The following HFM1 variants were observed in gnomAD, a reference collection of about 807,000 sequenced individuals.
HFM1 encodes probable ATP-dependent DNA helicase HFM1.
In HFM1, 169 loss-of-function variants were observed where a neutral mutation model predicts 192.1. That is an observed-to-expected ratio of 0.88 (90% confidence interval 0.78 to 1.00). The LOEUF is 1.00. HFM1 is among the 50% of genes least tolerant of loss of function. The probability of loss-of-function intolerance (pLI) is 0.00; values close to 1 mark genes in which losing one functional copy is unlikely to be tolerated. For missense variants in HFM1, 1,661 were observed against 1,668.0 expected (o/e 1.00, Z 0.07); for synonymous variants, 525 against 537.8 (o/e 0.98, Z 0.33).
chr1:91,404,846 C>T (rs1664721354), upstream of HFM1: 1 of 455,656 alleles, frequency 2.2e-6, no homozygotes, highest in Non-Finnish European at 4.4e-6. Context: ...TTATCAGCCC[C>T]TCTGAGGACC....
At position 91,321,944 on chromosome 1, in the gene HFM1, GA is replaced by G. The variant is rs534774220; in HGVS notation, c.2582+1005del. 3.3e-4 allele frequency among the ~76,000 whole-genome samples: 50 copies of G among 152,184 alleles called. No homozygotes were observed. In the East Asian group the frequency reaches 6.2e-3, roughly 19 times the overall value. On this transcript the variant is annotated intron_variant, in intron 23 of 38. Coordinates refer to ENST00000370425, the MANE Select transcript of HFM1 (RefSeq NM_001017975.6). The stretch of plus-strand genomic sequence containing the variant: ...ATTTATGCAACACAGTATACTGGGG[GA>G]AAAAATGAGAAAATCAAGAGTTCTA...
intron 36 of HFM1, among the ~76,000 whole-genome samples, chr1:91,262,912 C>T (rs1171450450): frequency 6.6e-6 from 1 of 152,126 alleles, no homozygotes; most frequent in East Asian, 1.9e-4. Context: ...CTAAATTCCA[C>T]TTGCTTAACT....
chr1:91,387,448 A>G (rs1486760662), intron 4 of HFM1, among the ~76,000 whole-genome samples: 2 of 151,872 alleles, frequency 1.3e-5, no homozygotes, highest in African/African-American at 4.8e-5. Flanking sequence ...CTGTATTCGT[A>G]CTGAAAATCA....
intron 2 of HFM1, among the ~76,000 whole-genome samples, chr1:91,399,968 G>T (rs1178849261): frequency 6.6e-6 from 1 of 152,140 alleles, no homozygotes; most frequent in East Asian, 1.9e-4. Flanking sequence ...CAGTATAGAT[G>T]ATTATTTACA....
intron 1 of HFM1, 21 bp from the exon 2 acceptor site, chr1:91,401,130 A>C: frequency 9.8e-7 from 1 of 1,020,048 alleles, no homozygotes; most frequent in South Asian, 1.6e-5. Flanking sequence ...TGGAAAAAGT[A>C]GTTTATATTT....
intron 19 of HFM1, among the ~76,000 whole-genome samples, chr1:91,343,725 T>TA (rs966516981): frequency 2.6e-5 from 4 of 152,216 alleles, no homozygotes; most frequent in Admixed American, 6.5e-5. Flanking sequence ...ATACAAGTAA[T>TA]AAAAATAACA....
chr1:91,385,608 A>G lies in HFM1; in HGVS notation c.721T>C (p.Phe241Leu), dbSNP rs757206132. The G allele has an allele frequency of 6.2e-7, 1 of 1,612,900 alleles. No homozygotes were observed. The highest frequency in any genetic ancestry group is 1.1e-5 in the South Asian group (1 of 91,020). The change falls in exon 5 of 39, where the codon TTT (phenylalanine) becomes CTT (leucine). Residue 241 changes from phenylalanine (F) to leucine (L), a missense_variant. By Grantham distance (22) the Phe-to-Leu change is conservative (BLOSUM62 0). Coordinates refer to ENST00000370425, the MANE Select transcript of HFM1 (RefSeq NM_001017975.6). Reference protein sequence around the residue: ...IGEGMFKAPSFSVAFQPHDIQ... With the variant: ...IGEGMFKAPSLSVAFQPHDIQ... Reference sequence around the variant, plus strand: ...TCATGAGGTTGGAAAGCAACTGAAAAAGATGGTGCTTTGAACATGCCTTCT... The same window carrying G: ...TCATGAGGTTGGAAAGCAACTGAAAGAGATGGTGCTTTGAACATGCCTTCT...
chr1:91,285,552 G>C (rs1404750957), intron 30 of HFM1, among the ~76,000 whole-genome samples: 1 of 152,148 alleles, frequency 6.6e-6, no homozygotes, highest in East Asian at 1.9e-4. Flanking sequence ...CTAAGAAAGA[G>C]TGTATGTATG....
intron 13 of HFM1, among the ~76,000 whole-genome samples, chr1:91,356,579 T>A (rs1657769138): frequency 6.6e-6 from 1 of 151,916 alleles, no homozygotes; most frequent in Non-Finnish European, 1.5e-5. Flanking sequence ...AATGCAAAGT[T>A]AGCAGAAGAA....
At chr1:91,343,230 C>CA (rs34902756) in intron 20 of HFM1, among the ~76,000 whole-genome samples, 200 bp downstream of exon 20, 21,657 of 74,728 alleles carry the variant, frequency 0.29, 4,547 homozygotes, top group South Asian at 0.47. Flanking sequence ...GACTCTGTCT[C>CA]AAAAAAAAAA....
rs61550398 is a variant in HFM1, at chr1:91,364,632, A to ATTTTTT, written c.1685+10720_1685+10725dup. Among the ~76,000 whole-genome samples, 169 of 66,736 alleles carry ATTTTTT rather than the reference A, an allele frequency of 2.5e-3. 1 individual carries two copies. The highest frequency in any genetic ancestry group is 6.7e-3 in the South Asian group (10 of 1,486). The allele number at this position is 66,736 out of a possible 152,430, so 43.8% of individuals were successfully genotyped here. A position where few individuals can be genotyped will look rare whatever the true frequency, so the allele number is the denominator to read the frequency against. On this transcript the variant is annotated intron_variant, in intron 13 of 38. Coordinates refer to ENST00000370425, the MANE Select transcript of HFM1 (RefSeq NM_001017975.6). ...CATATATATATATATATATATATAT[A>ATTTTTT]TTTTTTTTTTTTTTTTGAGACAGAG...
At chr1:91,340,776 A>G (rs1473772131) in intron 20 of HFM1, among the ~76,000 whole-genome samples, 1 of 152,204 alleles carries the variant, frequency 6.6e-6, no homozygotes, top group Non-Finnish European at 1.5e-5. Context: ...TGGAAAACAA[A>G]AAAAGCAGGG....
At chr1:91,325,588 A>G (rs535215755) in intron 20 of HFM1, among the ~76,000 whole-genome samples, 1 of 152,346 alleles carries the variant, frequency 6.6e-6, no homozygotes, top group East Asian at 1.9e-4. Flanking sequence ...CAAAAACCAC[A>G]GCATAATCGG....
chr1:91,325,281 A>C (rs1652724237), intron 20 of HFM1, among the ~76,000 whole-genome samples: 1 of 152,306 alleles, frequency 6.6e-6, no homozygotes, highest in East Asian at 1.9e-4. Flanking sequence ...GCTCTCAGAC[A>C]GTCTCTCAGA....
chr1:91,288,577 G>A (rs898946774), intron 30 of HFM1, among the ~76,000 whole-genome samples: 5 of 151,810 alleles, frequency 3.3e-5, no homozygotes, highest in Non-Finnish European at 5.9e-5. Flanking sequence ...GAGTGGTGAT[G>A]ACTCTTAAGG....
intron 23 of HFM1, among the ~76,000 whole-genome samples, chr1:91,322,100 A>C (rs1557847057): frequency 6.6e-6 from 1 of 152,236 alleles, no homozygotes; most frequent in Non-Finnish European, 1.5e-5. Flanking sequence ...AATTTATAGA[A>C]ATAAATATTT....
intron 18 of HFM1, among the ~76,000 whole-genome samples, chr1:91,348,300 G>C (rs960070694): frequency 6.6e-6 from 1 of 152,040 alleles, no homozygotes; most frequent in Non-Finnish European, 1.5e-5. Context: ...ACATAATATT[G>C]ATAAAAATAC....
chr1:91,320,205 ACAGT>A (rs1210564273), intron 23 of HFM1, among the ~76,000 whole-genome samples: 1 of 152,244 alleles, frequency 6.6e-6, no homozygotes, highest in Non-Finnish European at 1.5e-5. Context: ...TAAGACCGAA[ACAGT>A]CAGCTATACA....
chr1:91,315,391 CTT>C (rs1350457409), intron 28 of HFM1, among the ~76,000 whole-genome samples: 1 of 152,104 alleles, frequency 6.6e-6, no homozygotes, highest in Non-Finnish European at 1.5e-5. Flanking sequence ...TATACATTTG[CTT>C]TGTTTGCTTG....
Sources: gnomAD v4.1 joint callset for allele counts (sites outside exome capture counted in the v4.1 genomes callset) on GRCh38, gnomAD v4.1.1 for gene constraint, MANE v1.5 for transcripts, NCBI Gene and HGNC (gene_info 2026-07-23, HGNC 2026-07-21) for gene names.